Variants in RACGAP1 observed in about 807,000 individuals in gnomAD.
The protein encoded by RACGAP1 is Rac GTPase activating protein 1.
In RACGAP1, 30 loss-of-function variants were observed where a neutral mutation model predicts 78.1. The observed-to-expected ratio is 0.38, with a 90% CI of 0.29 to 0.52. RACGAP1 has a LOEUF of 0.52. Ranked by LOEUF, RACGAP1 falls within the 20% of genes least tolerant of loss-of-function variation. RACGAP1 has a pLI of 0.82. For missense variants in RACGAP1, 587 were observed against 777.1 expected (o/e 0.76, Z 2.91); for synonymous variants, 231 against 264.8 (o/e 0.87, Z 1.24).
chr12:49,996,496 G>C (rs2137291762), intron 10 of RACGAP1, among the ~76,000 whole-genome samples: 1 of 150,762 alleles, frequency 6.6e-6, no homozygotes, highest in East Asian at 2.0e-4. Context: ...AATTAGCCGG[G>C]CATGGTGGTG....
At position 49,992,651 on chromosome 12, in the gene RACGAP1, G is replaced by C; in HGVS notation, c.1344C>G (p.Ile448Met). ...CAGCTATGCTGTTGTCTTCATCTGT[G>C]ATTTCTGTAATTGAAAAGAAAGCAC... ...LNRAFMEAAE[I>M]TDEDNSIAAM... Residue 448 changes from isoleucine to methionine, a missense_variant, in exon 13 of 17, where the codon ATC (isoleucine) becomes ATG (methionine). Transcript: ENST00000312377. 1.2e-6 allele frequency: 2 copies of C among 1,608,850 alleles called. No homozygotes were observed. Among genetic ancestry groups the C allele is most frequent in the Non-Finnish European group, 1.7e-6 (2 of 1,178,530 alleles).
In RACGAP1 at chr12:49,989,957, C is replaced by T; in HGVS notation, c.*311G>A. 1 of 271,590 alleles carries T rather than the reference C, an allele frequency of 3.7e-6. No individual in the cohort carries two copies. Among genetic ancestry groups the T allele is most frequent in the East Asian group, 6.3e-5 (1 of 15,966 alleles). The allele number at this position is 271,590 out of a possible 1,614,324, so 16.8% of individuals were successfully genotyped here. A position where few individuals can be genotyped will look rare whatever the true frequency, so the allele number is the denominator to read the frequency against. ...TCTATGAGCAGCATTTGGCTTTAAG[C>T]CAAAGGAACAATAACCCCCTTCCCC... On this transcript the variant is annotated 3_prime_UTR_variant, in exon 17 of 17. Transcript: ENST00000312377.
chr12:50,031,202 C>T (rs570170018), intron 2 of RACGAP1, among the ~76,000 whole-genome samples: 2 of 151,810 alleles, frequency 1.3e-5, no homozygotes, highest in African/African-American at 4.8e-5. Context: ...TTCTGCCGTG[C>T]GCGGTGGCTC....
At chr12:50,016,045 C>A (rs1949657043) in intron 2 of RACGAP1, among the ~76,000 whole-genome samples, 1 of 151,812 alleles carries the variant, frequency 6.6e-6, no homozygotes, top group South Asian at 2.1e-4. Context: ...CAGTTCATGG[C>A]ACAGAAAATA....
chr12:50,013,219 T>C (rs1314898215), intron 2 of RACGAP1, among the ~76,000 whole-genome samples: 1 of 152,242 alleles, frequency 6.6e-6, no homozygotes, highest in African/African-American at 2.4e-5. Context: ...ATAAATATCT[T>C]GGGAGATTTT....
upstream of RACGAP1, among the ~76,000 whole-genome samples, chr12:50,028,625 A>G (rs1053356435): frequency 4.7e-5 from 7 of 150,000 alleles, no homozygotes; most frequent in Admixed American, 4.6e-4. Flanking sequence ...GAAAAAAATT[A>G]GCCAAGTGTG....
rs11169255 is a variant in RACGAP1 at position 50,019,368 on chromosome 12, C to T, written c.-4-2649G>A. Among the ~76,000 whole-genome samples, 110 of 152,116 alleles carry T rather than the reference C, an allele frequency of 7.2e-4. No homozygotes were observed. In the East Asian group the frequency reaches 0.015, roughly 21 times the overall value. On this transcript the variant is annotated intron_variant, in intron 1 of 16. Coordinates refer to ENST00000312377, the MANE Select transcript of RACGAP1 (RefSeq NM_001319999.2). ...AATTTGAGGGGAGAAACCTTACATG[C>T]GGCACTACTATATTACACACACAAG...
rs1948904216 is a variant in RACGAP1 at position 50,005,265 on chromosome 12, C to T, written c.416G>A (p.Gly139Glu). Residue 139 changes from glycine to glutamate, a missense_variant, in exon 4 of 17, where the codon GGG becomes GAG. Coordinates refer to ENST00000312377, the MANE Select transcript of RACGAP1 (RefSeq NM_001319999.2). Reference protein sequence around the residue: ...NRGQPSSSNAGNKRLSTIDES... With the variant: ...NRGQPSSSNAENKRLSTIDES... Reference sequence around the variant, plus strand: ...GATGCAGTTCCTCCACCTTTTGTTCCCAGCATTGCTGCTGGATGGTTGGCC... The same window carrying T: ...GATGCAGTTCCTCCACCTTTTGTTCTCAGCATTGCTGCTGGATGGTTGGCC... The T allele has an allele frequency of 1.2e-6, 2 of 1,613,958 alleles. No individual in the cohort carries two copies. The highest frequency in any genetic ancestry group is 2.2e-5 in the South Asian group (2 of 91,082).
intron 1 of RACGAP1, among the ~76,000 whole-genome samples, chr12:50,023,826 C>A (rs549713942): frequency 1.1e-4 from 17 of 152,280 alleles, no homozygotes; most frequent in African/African-American, 4.1e-4. Context: ...AATGGAACTA[C>A]CATTCAATCC....
intron 1 of RACGAP1, chr12:50,018,377 C>G: frequency 2.1e-6 from 1 of 469,404 alleles, no homozygotes; most frequent in Admixed American, 3.3e-5. Flanking sequence ...TGCTAAGCAA[C>G]CAGACCAACA....
At position 49,990,353 on chromosome 12, in the gene RACGAP1, A is replaced by G. The variant is rs377465905; in HGVS notation, c.1824-10T>C. 1 of 1,603,440 alleles carries G rather than the reference A, an allele frequency of 6.2e-7. No individual in the cohort carries two copies. Among genetic ancestry groups the G allele is most frequent in the African/African-American group, 1.3e-5 (1 of 74,694 alleles). The stretch of plus-strand genomic sequence containing the variant: ...GCTTTTGCTCCCAAATCTACAATAA[A>G]AAGAGAATGAACTGGAAAAATATTC... On this transcript the variant is annotated splice_polypyrimidine_tract_variant and intron_variant, in intron 16 of 16. Transcript: ENST00000312377.
At position 49,992,287 on chromosome 12, in the gene RACGAP1, T is replaced by C. The variant is rs1489584686; in HGVS notation, c.1536A>G (p.Pro512=). The C allele has an allele frequency of 1.2e-6, 2 of 1,614,192 alleles. No homozygotes were observed. The highest frequency in any genetic ancestry group is 3.3e-5 in the Admixed American group (2 of 60,016). The change falls in exon 14 of 17, where the codon CCA becomes CCG. Residue 512 remains proline (P), a synonymous_variant. Transcript: ENST00000312377. The part of the protein sequence containing the change: ...PTIVAHAVPN[P]DPVTMLQDIK... ...TGTCCTGTAACATTGTCACTGGGTC[T>C]GGATTGGGCACAGCATGGGCCACTA...
Position 49,989,939 on chromosome 12 carries a change from G to A in RACGAP1, c.*329C>T, listed in dbSNP as rs1197533563. On this transcript the variant is annotated 3_prime_UTR_variant, in exon 17 of 17. Coordinates refer to ENST00000312377, the MANE Select transcript of RACGAP1 (RefSeq NM_001319999.2). The stretch of plus-strand genomic sequence containing the variant: ...AAACTAGAGAAAGATCATTCTATGA[G>A]CAGCATTTGGCTTTAAGCCAAAGGA... 1 of 234,674 alleles carries A rather than the reference G, an allele frequency of 4.3e-6. No individual in the cohort carries two copies. The highest frequency in any genetic ancestry group is 2.2e-5 in the African/African-American group (1 of 44,572). The allele number at this position is 234,674 out of a possible 1,614,324, so 14.5% of individuals were successfully genotyped here. A position where few individuals can be genotyped will look rare whatever the true frequency, so the allele number is the denominator to read the frequency against.
Position 49,997,151 on chromosome 12 carries a change from T to C in RACGAP1, c.933A>G (p.Lys311=). The change falls in exon 10 of 17, where the codon AAA becomes AAG. Residue 311 remains lysine, a synonymous_variant. Transcript: ENST00000312377. ...VPCGKRIKFG[K]LSLKCRDCRV... is the part of the protein sequence containing the mutation. ...GACAGTCTCGACACTTCAGAGATAATTTGCCAAATTTTATCCGCTTTCCAC... is the reference window on the plus strand; with the variant it reads ...GACAGTCTCGACACTTCAGAGATAACTTGCCAAATTTTATCCGCTTTCCAC... The C allele has an allele frequency of 6.2e-7, 1 of 1,609,696 alleles. No individual in the cohort carries two copies.
intron 9 of RACGAP1, 50 bp downstream of exon 9, chr12:49,999,086 ATTTAT>A: frequency 6.5e-7 from 1 of 1,529,326 alleles, no homozygotes; most frequent in Non-Finnish European, 8.8e-7. Context: ...TATTCCTGGT[ATTTAT>A]TACTTTCACA....
intron 4 of RACGAP1, 114 bp downstream of exon 4, chr12:50,005,142 T>A (rs1565678917): frequency 6.7e-7 from 1 of 1,493,616 alleles, no homozygotes; most frequent in East Asian, 2.3e-5. Context: ...AAAATCTTTT[T>A]CTGCTTTTTT....
chr12:50,026,827 C>T (rs977268420), upstream of RACGAP1, among the ~76,000 whole-genome samples: 10 of 152,056 alleles, frequency 6.6e-5, no homozygotes, highest in Non-Finnish European at 1.0e-4. Flanking sequence ...GGCACATGAT[C>T]AAGGTAATTC....
intron 5 of RACGAP1, 137 bp downstream of exon 5, chr12:50,004,097 AT>A: frequency 7.6e-7 from 1 of 1,309,612 alleles, no homozygotes; most frequent in East Asian, 2.7e-5. Context: ...TATATTTTAA[AT>A]TGCTAGCTCA....
intron 9 of RACGAP1, among the ~76,000 whole-genome samples, chr12:49,997,794 T>A (rs953688640): frequency 6.6e-6 from 1 of 150,850 alleles, no homozygotes. Flanking sequence ...GTCAGGCTGG[T>A]CTCGAACTCC....
Sources: allele counts gnomAD v4.1 joint callset (sites outside exome capture counted in the v4.1 genomes callset), GRCh38; gene constraint gnomAD v4.1.1; transcripts MANE v1.5; gene names NCBI Gene and HGNC (gene_info 2026-07-23, HGNC 2026-07-21).